RARB: variants seen among roughly 807,000 people sequenced by gnomAD.
RARB encodes the protein retinoic acid receptor beta, also known as HBV-activated protein.
A neutral mutation model predicts 51.9 loss-of-function variants in RARB; 17 were observed. The observed-to-expected ratio is 0.33, with a 90% CI of 0.22 to 0.49. The LOEUF is 0.49. RARB is among the 20% of genes least tolerant of loss of function. RARB has a pLI of 0.99. For missense variants in RARB, 369 were observed against 550.8 expected, an observed-to-expected ratio of 0.67 and a Z score of 3.30; for synonymous variants, 215 against 195.4, an observed-to-expected ratio of 1.10 and a Z score of -0.84.
chr3:25,006,784 A>T (rs1697280639), intron 2 of RARB, among the ~76,000 whole-genome samples: 1 of 152,160 alleles, frequency 6.6e-6, no homozygotes, highest in Non-Finnish European at 1.5e-5. Context: ...CCAGGAGTAG[A>T]CATTACACCT....
chr3:24,882,028 A>C (rs991743132), intron 2 of RARB, among the ~76,000 whole-genome samples: 1 of 152,208 alleles, frequency 6.6e-6, no homozygotes, highest in Non-Finnish European at 1.5e-5. Flanking sequence ...CATAACAATG[A>C]AAAATTGAAT....
At chr3:24,901,195 T>A (rs1174229441) in intron 2 of RARB, among the ~76,000 whole-genome samples, 1 of 152,226 alleles carries the variant, frequency 6.6e-6, no homozygotes, top group Non-Finnish European at 1.5e-5. Context: ...CATAATGATT[T>A]CAGAGACTAT....
chr3:25,539,581 C>G, intron 3 of RARB, among the ~76,000 whole-genome samples: 1 of 103,994 alleles, frequency 9.6e-6, no homozygotes, highest in African/African-American at 3.7e-5. Context: ...CCCTTTATTT[C>G]TTTTTTTTTT....
intron 3 of RARB, among the ~76,000 whole-genome samples, chr3:25,086,132 C>T (rs1699100330): frequency 6.6e-6 from 1 of 152,110 alleles, no homozygotes; most frequent in South Asian, 2.1e-4. Flanking sequence ...CTATTAATTT[C>T]CTGGGCCCAG....
intron 5 of RARB, among the ~76,000 whole-genome samples, chr3:25,351,101 A>G (rs534470401): frequency 3.3e-5 from 5 of 152,162 alleles, no homozygotes; most frequent in Non-Finnish European, 4.4e-5. Flanking sequence ...ATTATTTCCA[A>G]TTAAAACTTG....
intron 3 of RARB, among the ~76,000 whole-genome samples, chr3:25,126,488 T>C (rs987381881): frequency 5.9e-5 from 9 of 152,284 alleles, no homozygotes; most frequent in African/African-American, 2.2e-4. Context: ...CATGGTGCTT[T>C]TGTACCTTTC....
chr3:25,577,240 G>A (rs1700974566), intron 4 of RARB, among the ~76,000 whole-genome samples: 2 of 152,216 alleles, frequency 1.3e-5, no homozygotes, highest in African/African-American at 4.8e-5. Flanking sequence ...TTGCACTTCT[G>A]TGGGCCTTCG....
rs113219346 is a variant in RARB at position 25,445,315 on chromosome 3, G to A, written c.158-15878G>A. Among the ~76,000 whole-genome samples the A allele has an allele frequency of 9.8e-3, 1,490 of 152,208 alleles. 21 individuals are homozygous for A. The highest frequency in any genetic ancestry group is 0.028 in the African/African-American group (1,181 of 41,518). ...AAAATAAGCATGACCAGTTCACCAC[G>A]TTGCCGTAAACTGGGTGGCATATGT... On this transcript the variant is annotated intron_variant, in intron 1 of 7. Transcript: ENST00000330688.
intron 3 of RARB, among the ~76,000 whole-genome samples, chr3:25,545,082 C>T (rs1436057911): frequency 6.6e-6 from 1 of 152,120 alleles, no homozygotes. Context: ...CTGCCTCAGC[C>T]TCCAAAGTAG....
intron 3 of RARB, among the ~76,000 whole-genome samples, chr3:25,095,365 T>C (rs1296503132): frequency 6.6e-6 from 1 of 152,186 alleles, no homozygotes; most frequent in Non-Finnish European, 1.5e-5. Flanking sequence ...ATCAGCACCA[T>C]CTGGGAACTT....
chr3:25,022,642 T>C (rs1447873307), intron 2 of RARB, among the ~76,000 whole-genome samples: 1 of 152,212 alleles, frequency 6.6e-6, no homozygotes, highest in East Asian at 1.9e-4. Flanking sequence ...CTGTTGAGTA[T>C]ATAGCATCAC....
chr3:25,533,359 C>T (rs17526019), intron 3 of RARB, among the ~76,000 whole-genome samples: 9,421 of 152,228 alleles, frequency 0.062, 310 homozygotes, highest in African/African-American at 0.07. Flanking sequence ...TGTGAGAGGA[C>T]TGTAATAGCA....
chr3:24,897,304 A>G (rs1575060156), intron 2 of RARB, among the ~76,000 whole-genome samples: 1 of 152,268 alleles, frequency 6.6e-6, no homozygotes, highest in East Asian at 1.9e-4. Flanking sequence ...TAAAACGCTC[A>G]GGGGTGATTT....
chr3:25,172,564 A>C (rs1700665214), intron 4 of RARB, among the ~76,000 whole-genome samples: 1 of 152,202 alleles, frequency 6.6e-6, no homozygotes, highest in African/African-American at 2.4e-5. Flanking sequence ...AGAAGGCTTA[A>C]TGAGTGATTG....
intron 2 of RARB, among the ~76,000 whole-genome samples, chr3:25,025,564 T>A (rs1280218398): frequency 6.6e-6 from 1 of 152,140 alleles, no homozygotes; most frequent in African/African-American, 2.4e-5. Flanking sequence ...ACAGTAGTTA[T>A]GTACACAGAT....
At chr3:25,121,722 C>T (rs1016914131) in intron 3 of RARB, among the ~76,000 whole-genome samples, 1 of 152,100 alleles carries the variant, frequency 6.6e-6, no homozygotes, top group Non-Finnish European at 1.5e-5. Flanking sequence ...TAAATACTTG[C>T]TGAATTAATA....
At chr3:24,888,795 C>A (rs1225414454) in intron 2 of RARB, among the ~76,000 whole-genome samples, 1 of 152,134 alleles carries the variant, frequency 6.6e-6, no homozygotes, top group Non-Finnish European at 1.5e-5. Context: ...TGCCCATATT[C>A]TTGTTGTAGA....
Position 24,833,739 on chromosome 3 carries a change from C to A in RARB, c.-459+4336C>A, listed in dbSNP as rs1232460806. Among the ~76,000 whole-genome samples, 4 of 152,222 alleles carry A rather than the reference C, an allele frequency of 2.6e-5. No homozygotes were observed. The East Asian group carries it at 7.7e-4, about 29-fold the overall frequency. On this transcript the variant is annotated intron_variant, in intron 1 of 11. Coordinates refer to the RARB transcript ENST00000383772. ...CCTTTGCCTCAATTATTTCTTAATT[C>A]ATCATGTACATTGTGTCCAAGGTAG... is the stretch of plus-strand genomic sequence containing the variant.
intron 5 of RARB, among the ~76,000 whole-genome samples, chr3:25,273,651 C>T (rs1467034097): frequency 2.6e-5 from 4 of 152,152 alleles, no homozygotes; most frequent in South Asian, 2.1e-4. Context: ...ATAAGGAATG[C>T]GATATCATTT....
Sources: allele counts gnomAD v4.1 joint callset (sites outside exome capture counted in the v4.1 genomes callset), GRCh38; gene constraint gnomAD v4.1.1; transcripts MANE v1.5; gene names NCBI Gene and HGNC (gene_info 2026-07-23, HGNC 2026-07-21).